SUCLG2: variants seen among roughly 807,000 people sequenced by gnomAD.
The protein encoded by SUCLG2 is succinate--CoA ligase [GDP-forming] subunit beta, mitochondrial.
A neutral mutation model predicts 47.9 loss-of-function variants in SUCLG2; 42 were observed. The ratio of observed to expected loss-of-function variants is 0.88; its 90% CI spans 0.69 to 1.14. The LOEUF (loss-of-function observed/expected upper bound fraction) is 1.14, where lower values mean the gene tolerates loss of function less well. SUCLG2 is among the 50% of genes most tolerant of loss of function. SUCLG2 has a pLI of 0.00. For synonymous variants in SUCLG2, 195 were observed against 197.3 expected (o/e 0.99, Z 0.10); for missense variants, 571 against 525.9 (o/e 1.09, Z -0.84).
intron 2 of SUCLG2, among the ~76,000 whole-genome samples, chr3:67,531,330 T>G (rs1037506571): frequency 6.6e-6 from 1 of 152,214 alleles, no homozygotes; most frequent in African/African-American, 2.4e-5. Flanking sequence ...CCATTATCAT[T>G]TTTCATATCC....
intron 9 of SUCLG2, among the ~76,000 whole-genome samples, chr3:67,473,426 A>AT (rs56301831): frequency 0.034 from 5,059 of 150,828 alleles, 144 homozygotes; most frequent in East Asian, 0.13. Context: ...GAAATTTGTG[A>AT]TTTTTTTTTT....
intron 9 of SUCLG2, among the ~76,000 whole-genome samples, chr3:67,491,149 A>G (rs1048131289): frequency 7.9e-5 from 12 of 151,372 alleles, no homozygotes; most frequent in East Asian, 3.9e-4. Context: ...AGGTAAACCC[A>G]TCTCTACTAA....
intron 1 of SUCLG2, among the ~76,000 whole-genome samples, chr3:67,628,703 GC>G (rs1700876722): frequency 1.3e-5 from 2 of 152,128 alleles, no homozygotes. Flanking sequence ...ATGCTGTCTT[GC>G]CTGCCACCCT....
At chr3:67,643,868 A>C (rs1256418296) in intron 1 of SUCLG2, among the ~76,000 whole-genome samples, 1 of 152,090 alleles carries the variant, frequency 6.6e-6, no homozygotes, top group African/African-American at 2.4e-5. Context: ...GTAGAGATGG[A>C]GTTTCACCAT....
chr3:67,418,030 G>A (rs1235283814), intron 9 of SUCLG2, among the ~76,000 whole-genome samples: 1 of 152,116 alleles, frequency 6.6e-6, no homozygotes, highest in East Asian at 1.9e-4. Flanking sequence ...TCCTGACTTC[G>A]AGGAGCTGTA....
intron 2 of SUCLG2, among the ~76,000 whole-genome samples, chr3:67,557,071 G>C (rs1324141546): frequency 1.3e-5 from 2 of 152,136 alleles, no homozygotes; most frequent in Non-Finnish European, 2.9e-5. Context: ...TATTCCAAAA[G>C]TCTGGTCAAT....
At chr3:67,540,102 T>A (rs975452546) in intron 2 of SUCLG2, among the ~76,000 whole-genome samples, 33 of 151,464 alleles carry the variant, frequency 2.2e-4, no homozygotes, top group Non-Finnish European at 1.2e-4. Flanking sequence ...CTGCTTGCTT[T>A]TGAATTTGTT....
chr3:67,585,469 G>C (rs889297662), intron 2 of SUCLG2, among the ~76,000 whole-genome samples: 1 of 152,126 alleles, frequency 6.6e-6, no homozygotes, highest in Non-Finnish European at 1.5e-5. Context: ...TGTAAATACT[G>C]GTACAAGTTA....
chr3:67,441,179 G>C (rs994786172), intron 9 of SUCLG2, among the ~76,000 whole-genome samples: 10 of 151,914 alleles, frequency 6.6e-5, no homozygotes, highest in African/African-American at 2.2e-4. Context: ...TGAACAATGA[G>C]AACACATGGA....
At chr3:67,600,119 T>A (rs559934119) in intron 2 of SUCLG2, among the ~76,000 whole-genome samples, 104 of 152,348 alleles carry the variant, frequency 6.8e-4, no homozygotes, top group Middle Eastern at 6.8e-3. Context: ...AACTTTTGAC[T>A]TACATCTTCA....
At chr3:67,476,862 T>G (rs1282862305) in intron 9 of SUCLG2, among the ~76,000 whole-genome samples, 1 of 152,202 alleles carries the variant, frequency 6.6e-6, no homozygotes, top group African/African-American at 2.4e-5. Flanking sequence ...AACTGGTGGA[T>G]ATTTTAAATC....
chr3:67,540,363 A>G (rs564912592), intron 2 of SUCLG2, among the ~76,000 whole-genome samples: 1 of 151,956 alleles, frequency 6.6e-6, no homozygotes. Context: ...TGGTGGGAGG[A>G]GGGGCATCTG....
chr3:67,524,866 G>A (rs1034207050), intron 4 of SUCLG2, among the ~76,000 whole-genome samples: 4 of 152,146 alleles, frequency 2.6e-5, no homozygotes, highest in African/African-American at 9.7e-5. Context: ...GCAGGGTGCT[G>A]GGTGCTAGAG....
chr3:67,623,926 C>T (rs1559601744), intron 1 of SUCLG2, among the ~76,000 whole-genome samples: 1 of 152,202 alleles, frequency 6.6e-6, no homozygotes, highest in East Asian at 1.9e-4. Flanking sequence ...CATGTCATCT[C>T]AATGCATCAG....
intron 6 of SUCLG2, chr3:67,514,458 T>C: frequency 3.9e-6 from 1 of 258,608 alleles, no homozygotes; most frequent in South Asian, 4.5e-5. Flanking sequence ...CGTACGCCTC[T>C]CAAATCTAGC....
chr3:67,574,373 T>C (rs1317979811), intron 2 of SUCLG2, among the ~76,000 whole-genome samples: 1 of 152,224 alleles, frequency 6.6e-6, no homozygotes, highest in Non-Finnish European at 1.5e-5. Flanking sequence ...GGTATAAAGA[T>C]AGATACATAA....
intron 6 of SUCLG2, among the ~76,000 whole-genome samples, chr3:67,517,792 C>A (rs907033364): frequency 3.9e-4 from 59 of 152,062 alleles, no homozygotes; most frequent in African/African-American, 1.2e-3. Context: ...AATATTAATA[C>A]CATTAAGAAC....
intron 4 of SUCLG2, among the ~76,000 whole-genome samples, chr3:67,521,473 C>A (rs1157883593): frequency 1.3e-5 from 2 of 152,310 alleles, no homozygotes; most frequent in Admixed American, 6.5e-5. Flanking sequence ...TTTCATGTAA[C>A]AGCCCCACCA....
chr3:67,435,425 A>C (rs919735680), intron 9 of SUCLG2, among the ~76,000 whole-genome samples: 2 of 152,244 alleles, frequency 1.3e-5, no homozygotes, highest in African/African-American at 4.8e-5. Flanking sequence ...TATCTCCACC[A>C]CATGGCGATA....
Sources: allele counts gnomAD v4.1 joint callset (sites outside exome capture counted in the v4.1 genomes callset), GRCh38; gene constraint gnomAD v4.1.1; transcripts MANE v1.5; gene names NCBI Gene and HGNC (gene_info 2026-07-23, HGNC 2026-07-21).